The following FRMD5 variants were observed in gnomAD, a reference collection of about 807,000 sequenced individuals.
The protein encoded by FRMD5 is FERM domain containing 5.
In FRMD5, 20 loss-of-function variants were observed where a neutral mutation model predicts 69.0. That is an observed-to-expected ratio of 0.29 (90% CI 0.20 to 0.42). FRMD5 has a LOEUF of 0.42. Ranked by LOEUF, FRMD5 falls within the 10% of genes least tolerant of loss-of-function variation. The pLI is 1.00. For synonymous variants in FRMD5, 271 were observed against 260.1 expected, an observed-to-expected ratio of 1.04 and a Z score of -0.40; for missense variants, 595 against 708.6, an observed-to-expected ratio of 0.84 and a Z score of 1.82.
At chr15:44,000,836 T>C (rs934208645) in intron 1 of FRMD5, among the ~76,000 whole-genome samples, 1 of 150,604 alleles carries the variant, frequency 6.6e-6, no homozygotes, top group African/African-American at 2.4e-5. Context: ...TATTTGGAGA[T>C]AGGGTCTCAC....
At chr15:43,892,206 C>A in intron 7 of FRMD5, 137 bp from the exon 8 acceptor site, 1 of 752,800 alleles carries the variant, frequency 1.3e-6, no homozygotes, top group Non-Finnish European at 2.2e-6. Context: ...TCTGGAATCA[C>A]AAGACCATAG....
chr15:43,886,797 G>A (rs997585623), intron 10 of FRMD5, among the ~76,000 whole-genome samples: 3 of 152,358 alleles, frequency 2.0e-5, no homozygotes, highest in South Asian at 2.1e-4. Flanking sequence ...CAGGACTAGG[G>A]ATCTGTATGT....
chr15:44,003,697 C>T (rs1050594795), intron 1 of FRMD5, among the ~76,000 whole-genome samples: 1 of 152,170 alleles, frequency 6.6e-6, no homozygotes, highest in Non-Finnish European at 1.5e-5. Context: ...CACTGACTAC[C>T]GTATTTGATA....
At chr15:44,132,324 G>A (rs1290307166) in intron 1 of FRMD5, among the ~76,000 whole-genome samples, 7 of 152,188 alleles carry the variant, frequency 4.6e-5, no homozygotes, top group Admixed American at 3.9e-4. Flanking sequence ...TCCATGGCCC[G>A]TGGGTTGGGG....
chr15:43,951,401 C>G (rs550734976), intron 1 of FRMD5, among the ~76,000 whole-genome samples: 1 of 143,290 alleles, frequency 7.0e-6, no homozygotes, highest in Non-Finnish European at 1.5e-5. Context: ...CAGCCTGGGC[C>G]ACAGGGTGAG....
At chr15:44,160,786 A>G (rs2140498410) in intron 1 of FRMD5, among the ~76,000 whole-genome samples, 1 of 152,336 alleles carries the variant, frequency 6.6e-6, no homozygotes, top group Admixed American at 6.5e-5. Context: ...GCAATATCTT[A>G]GTATTTTATT....
chr15:44,164,172 C>A lies in FRMD5; in HGVS notation c.102+30781G>T, dbSNP rs16960636. ...CTCCCTTCCAGACAATGTCTATCCC[C>A]GATCATGTTTTCTTTGGTTTCCCTG... is the stretch of plus-strand genomic sequence containing the variant. On this transcript the variant is annotated intron_variant, in intron 1 of 13. Transcript: ENST00000417257. Among the ~76,000 whole-genome samples the A allele has an allele frequency of 1.6e-3, 247 of 152,278 alleles. 1 individual carries two copies. The East Asian group carries it at 0.028, about 17-fold the overall frequency.
chr15:44,055,976 C>T (rs1432873091), intron 1 of FRMD5, among the ~76,000 whole-genome samples: 1 of 152,234 alleles, frequency 6.6e-6, no homozygotes, highest in Non-Finnish European at 1.5e-5. Flanking sequence ...ACCTCCTTAT[C>T]CTGGTACTTC....
intron 1 of FRMD5, among the ~76,000 whole-genome samples, chr15:43,981,022 C>G (rs1213089177): frequency 6.6e-6 from 1 of 152,272 alleles, no homozygotes; most frequent in Non-Finnish European, 1.5e-5. Context: ...AACACACACA[C>G]ATACACATTT....
At chr15:43,978,002 T>A (rs974861761) in intron 1 of FRMD5, among the ~76,000 whole-genome samples, 1 of 151,888 alleles carries the variant, frequency 6.6e-6, no homozygotes, top group Non-Finnish European at 1.5e-5. Context: ...CCCCTCCCCA[T>A]AGAAACTTTA....
chr15:44,037,742 G>A (rs1165949360), intron 1 of FRMD5, among the ~76,000 whole-genome samples: 1 of 151,774 alleles, frequency 6.6e-6, no homozygotes, highest in African/African-American at 2.4e-5. Context: ...CTAAAGTGTT[G>A]GGATTACAGG....
At chr15:43,939,418 A>G (rs887188736) in intron 1 of FRMD5, among the ~76,000 whole-genome samples, 3 of 152,178 alleles carry the variant, frequency 2.0e-5, no homozygotes, top group African/African-American at 7.2e-5. Context: ...AGAAGTCATC[A>G]GTTCAAGACA....
At chr15:43,921,842 G>C (rs564090009) in intron 2 of FRMD5, among the ~76,000 whole-genome samples, 4 of 152,304 alleles carry the variant, frequency 2.6e-5, no homozygotes, top group African/African-American at 9.6e-5. Context: ...AGGAAAGTAA[G>C]GGCAGCTCCT....
At chr15:44,189,755 T>C (rs997575363) in intron 1 of FRMD5, among the ~76,000 whole-genome samples, 3 of 152,020 alleles carry the variant, frequency 2.0e-5, no homozygotes, top group Admixed American at 1.3e-4. Context: ...GCCTACCAAA[T>C]TGCCAGGATT....
intron 1 of FRMD5, among the ~76,000 whole-genome samples, chr15:44,126,854 C>T (rs957364991): frequency 7.9e-5 from 12 of 152,162 alleles, no homozygotes; most frequent in Non-Finnish European, 1.5e-4. Flanking sequence ...TCCCAAGTAA[C>T]TAGAAGTAAG....
chr15:43,957,354 C>A (rs1342473023), intron 1 of FRMD5, among the ~76,000 whole-genome samples: 4 of 152,124 alleles, frequency 2.6e-5, no homozygotes, highest in Middle Eastern at 3.2e-3. Context: ...CACCACCATG[C>A]CTGACTAATT....
chr15:43,908,213 A>G (rs1487056868), intron 5 of FRMD5, among the ~76,000 whole-genome samples: 1 of 151,818 alleles, frequency 6.6e-6, no homozygotes, highest in Admixed American at 6.6e-5. Flanking sequence ...TTGTGGTTCC[A>G]GCTACTTGGG....
chr15:43,873,049 G>A lies in FRMD5; in HGVS notation c.*836C>T, dbSNP rs959566578. ...TCTGGTACCACTGAATTCGTTTAAC[G>A]CCCCTGGAGCACTATAAAAGTCTTG... On this transcript the variant is annotated 3_prime_UTR_variant, in exon 14 of 14. Coordinates refer to ENST00000417257, the MANE Select transcript of FRMD5 (RefSeq NM_032892.5). 4 of 790,178 alleles carry A rather than the reference G, an allele frequency of 5.1e-6. No homozygotes were observed. Among genetic ancestry groups the A allele is most frequent in the Non-Finnish European group, 8.2e-6 (4 of 490,210 alleles). 48.9% of individuals were successfully genotyped at this position (790,178 alleles called of 1,614,324 possible).
chr15:44,029,244 C>CT (rs1423565880), intron 1 of FRMD5, among the ~76,000 whole-genome samples: 1 of 152,136 alleles, frequency 6.6e-6, no homozygotes, highest in African/African-American at 2.4e-5. Context: ...GGAATGGCTC[C>CT]TGCCACCATA....
Sources: allele counts gnomAD v4.1 joint callset (sites outside exome capture counted in the v4.1 genomes callset), GRCh38; gene constraint gnomAD v4.1.1; transcripts MANE v1.5; gene names NCBI Gene and HGNC (gene_info 2026-07-23, HGNC 2026-07-21).